Variants in SLC16A4 observed in about 807,000 individuals in gnomAD.
SLC16A4 encodes solute carrier family 16 member 4.
SLC16A4 carries 39 observed loss-of-function variants against 47.9 expected under a neutral mutation model. That is an observed-to-expected ratio of 0.81 (90% CI 0.63 to 1.06). The LOEUF is 1.06. Ranked by LOEUF, SLC16A4 falls within the 50% of genes least tolerant of loss-of-function variation. The pLI, the probability that SLC16A4 is intolerant of heterozygous loss-of-function variation, is 0.00. For synonymous variants in SLC16A4, 189 were observed against 199.9 expected, an observed-to-expected ratio of 0.95 and a Z score of 0.46; for missense variants, 524 against 573.8, an observed-to-expected ratio of 0.91 and a Z score of 0.89.
intron 8 of SLC16A4, among the ~76,000 whole-genome samples, chr1:110,369,186 C>T (rs1253863113): frequency 6.6e-6 from 1 of 152,082 alleles, no homozygotes; most frequent in African/African-American, 2.4e-5. Flanking sequence ...AACTCTTGAC[C>T]TCGTGATCTA....
Position 110,377,019 on chromosome 1 carries a change from T to C in SLC16A4, c.1173A>G (p.Leu391=), listed in dbSNP as rs1480700304. 4 of 1,613,610 alleles carry C rather than the reference T, an allele frequency of 2.5e-6. No individual in the cohort carries two copies. Among genetic ancestry groups the C allele is most frequent in the African/African-American group, 2.7e-5 (2 of 74,768 alleles). The part of the protein sequence containing the change: ...LLAPLATTFP[L]LMTYTICFAI... ...CAAAGCAGATGGTGTAGGTCATAAG[T>C]AGTGGAAATGTGGTGGCTAAAGGAG... Residue 391 remains leucine, a synonymous_variant, in exon 7 of 9, where the codon CTA becomes CTG. Transcript: ENST00000369779.
At chr1:110,381,834 T>C in intron 3 of SLC16A4, 39 bp from the exon 4 acceptor site, 1 of 1,582,204 alleles carries the variant, frequency 6.3e-7, no homozygotes, top group Non-Finnish European at 8.6e-7. Context: ...AGGTAAATAA[T>C]GATCTGGCAT....
intron 3 of SLC16A4, among the ~76,000 whole-genome samples, chr1:110,382,104 T>C (rs1450696739): frequency 6.6e-6 from 1 of 152,264 alleles, no homozygotes; most frequent in East Asian, 1.9e-4. Context: ...TAGAATAAGG[T>C]TGAATCACTT....
intron 2 of SLC16A4, 96 bp from the exon 3 acceptor site, chr1:110,383,062 A>G (rs1662510616): frequency 9.6e-6 from 11 of 1,148,196 alleles, no homozygotes; most frequent in African/African-American, 1.6e-5. Context: ...TCAGCTTACT[A>G]CTATTTACCA....
intron 3 of SLC16A4, among the ~76,000 whole-genome samples, chr1:110,382,089 A>G (rs1179970316): frequency 6.6e-6 from 1 of 152,258 alleles, no homozygotes; most frequent in Non-Finnish European, 1.5e-5. Context: ...CTAGTGGTCA[A>G]TGACTAGAAT....
rs1662608004 is a variant in SLC16A4, at chr1:110,384,202, A to G, written c.88-1236T>C. On this transcript the variant is annotated intron_variant, in intron 2 of 8. Coordinates refer to ENST00000369779, the MANE Select transcript of SLC16A4 (RefSeq NM_004696.3). The stretch of plus-strand genomic sequence containing the variant: ...GGAGAAAAGTGTTTGTCCAAAGAGG[A>G]ATAATTATTCCTGTCAGTTCTTAGA... 3.3e-5 allele frequency among the ~76,000 whole-genome samples: 5 copies of G among 152,324 alleles called. No homozygotes were observed. The South Asian group carries it at 1.0e-3, about 32-fold the overall frequency.
At chr1:110,389,863 T>G (rs928769377) in intron 1 of SLC16A4, among the ~76,000 whole-genome samples, 5 of 152,098 alleles carry the variant, frequency 3.3e-5, no homozygotes, top group Non-Finnish European at 5.9e-5. Flanking sequence ...CATATGGACA[T>G]AAAGAGGGGA....
At chr1:110,364,499 C>CTTTTTT (rs34416973) in intron 8 of SLC16A4, among the ~76,000 whole-genome samples, 1 of 104,678 alleles carries the variant, frequency 9.6e-6, no homozygotes, top group Non-Finnish European at 1.8e-5. Flanking sequence ...AATCTAAATG[C>CTTTTTT]TTTTTTTTTT....
chr1:110,369,580 C>T (rs1661582777), intron 8 of SLC16A4, among the ~76,000 whole-genome samples: 1 of 152,128 alleles, frequency 6.6e-6, no homozygotes, highest in Admixed American at 6.5e-5. Flanking sequence ...CAGAGGGAGA[C>T]TCCATCTCAA....
At chr1:110,368,421 G>C (rs1661509826) in intron 8 of SLC16A4, among the ~76,000 whole-genome samples, 1 of 152,206 alleles carries the variant, frequency 6.6e-6, no homozygotes, top group Admixed American at 6.5e-5. Flanking sequence ...ACCTCTGTAA[G>C]CATTTCCTTG....
chr1:110,372,209 G>T (rs1661722829), intron 8 of SLC16A4: 1 of 152,148 alleles, frequency 6.6e-6, no homozygotes. Context: ...GAGCATGGCT[G>T]AAATGTTACC....
At chr1:110,365,761 G>T (rs1661343387) in intron 8 of SLC16A4, among the ~76,000 whole-genome samples, 1 of 152,150 alleles carries the variant, frequency 6.6e-6, no homozygotes, top group East Asian at 1.9e-4. Flanking sequence ...GTATGTGTCT[G>T]TGTATGTATA....
At chr1:110,375,599 AT>A (rs1661955143) in intron 7 of SLC16A4, 48 bp from the exon 8 acceptor site, 4 of 998,280 alleles carry the variant, frequency 4.0e-6, no homozygotes, top group Admixed American at 1.8e-5. Flanking sequence ...GTGAAATTCT[AT>A]AGAGACCTAT....
intron 8 of SLC16A4, 178 bp downstream of exon 8, chr1:110,375,280 C>G: frequency 3.3e-6 from 2 of 601,662 alleles, no homozygotes; most frequent in East Asian, 2.8e-5. Flanking sequence ...TAAGATAATA[C>G]AAGAATCTGA....
At chr1:110,380,912 T>A in intron 5 of SLC16A4, 70 bp downstream of exon 5, 2 of 1,407,038 alleles carry the variant, frequency 1.4e-6, no homozygotes, top group Non-Finnish European at 2.0e-6. Flanking sequence ...TTAACTTCCA[T>A]TTCTCAAAGG....
At position 110,363,750 on chromosome 1, in the gene SLC16A4, T is replaced by C. The variant is rs373032812; in HGVS notation, c.*16A>G. On this transcript the variant is annotated 3_prime_UTR_variant, in exon 9 of 9. Transcript: ENST00000369779. ...TTCTTTTGTTTAGCTCTCACTTGAT[T>C]GCAGTCTTCTTTCTTTCAGGTCAGA... 3.8e-6 allele frequency: 6 copies of C among 1,593,128 alleles called. No homozygotes were observed. The highest frequency in any genetic ancestry group is 5.1e-6 in the Non-Finnish European group (6 of 1,173,544).
chr1:110,383,071 C>G, intron 2 of SLC16A4, 105 bp from the exon 3 acceptor site: 1 of 1,082,384 alleles, frequency 9.2e-7, no homozygotes, highest in South Asian at 2.0e-5. Flanking sequence ...TACTATTTAC[C>G]AGTTTGCCTT....
At chr1:110,383,819 T>G (rs1373971613) in intron 2 of SLC16A4, among the ~76,000 whole-genome samples, 4 of 145,466 alleles carry the variant, frequency 2.7e-5, no homozygotes, top group East Asian at 2.0e-4. Context: ...TTTTTTTTTT[T>G]TTTTTTTTTT....
chr1:110,364,820 T>G (rs1417298493), intron 8 of SLC16A4, among the ~76,000 whole-genome samples: 1 of 152,128 alleles, frequency 6.6e-6, no homozygotes, highest in Non-Finnish European at 1.5e-5. Context: ...CCTAAGTGCT[T>G]TTTAAAAGCA....
Sources: allele counts gnomAD v4.1 joint callset (sites outside exome capture counted in the v4.1 genomes callset), GRCh38; gene constraint gnomAD v4.1.1; transcripts MANE v1.5; gene names NCBI Gene and HGNC (gene_info 2026-07-23, HGNC 2026-07-21).